The following AKAP19 variants were observed in gnomAD, a reference collection of about 807,000 sequenced individuals.
The protein encoded by AKAP19 is small A-kinase anchoring protein.
chr2:190,094,623 A>G, the AKAP19 span, among the ~76,000 whole-genome samples: 1 of 152,214 alleles, frequency 6.6e-6, no homozygotes, highest in African/African-American at 2.4e-5. Context: ...TTTTTCAGCA[A>G]TCAAAGGATT....
the AKAP19 span, among the ~76,000 whole-genome samples, chr2:190,165,354 T>C: frequency 6.6e-6 from 1 of 152,154 alleles, no homozygotes; most frequent in Non-Finnish European, 1.5e-5. Context: ...GGAGGATCAC[T>C]TAAACCTGGA....
the AKAP19 span, among the ~76,000 whole-genome samples, chr2:189,886,161 G>T: frequency 6.6e-6 from 1 of 152,176 alleles, no homozygotes; most frequent in Non-Finnish European, 1.5e-5. Context: ...ATGCCTTGGA[G>T]ATTGGGGATA....
chr2:190,195,706 G>A, the AKAP19 span, among the ~76,000 whole-genome samples: 1 of 151,676 alleles, frequency 6.6e-6, no homozygotes, highest in African/African-American at 2.4e-5. Flanking sequence ...CCAGTCTGTG[G>A]CTTGTCTTCT....
At chr2:190,022,251 A>G in the AKAP19 span, among the ~76,000 whole-genome samples, 1 of 152,154 alleles carries the variant, frequency 6.6e-6, no homozygotes, top group Non-Finnish European at 1.5e-5. Context: ...TACACTCCGA[A>G]TTGAGAGAAC....
the AKAP19 span, among the ~76,000 whole-genome samples, chr2:190,049,088 G>A: frequency 6.6e-6 from 1 of 151,824 alleles, no homozygotes; most frequent in Non-Finnish European, 1.5e-5. Flanking sequence ...TTTAAATTCT[G>A]CATTAAAAAC....
At chr2:190,069,136 A>ATGTGTGTGTGTG in the AKAP19 span, among the ~76,000 whole-genome samples, 21 of 127,740 alleles carry the variant, frequency 1.6e-4, no homozygotes, top group African/African-American at 5.7e-4. Context: ...GTGCATGCAT[A>ATGTGTGTGTGTG]TGTGTGTGTG....
the AKAP19 span, among the ~76,000 whole-genome samples, chr2:190,181,979 C>A: frequency 6.6e-6 from 1 of 152,138 alleles, no homozygotes; most frequent in Non-Finnish European, 1.5e-5. Context: ...AGAATAATTT[C>A]AGTTTTTAAT....
the AKAP19 span, among the ~76,000 whole-genome samples, chr2:190,155,344 C>A: frequency 6.6e-6 from 1 of 151,644 alleles, no homozygotes; most frequent in Non-Finnish European, 1.5e-5. Context: ...CAGAATCTGG[C>A]CAAGATATCA....
the AKAP19 span, among the ~76,000 whole-genome samples, chr2:190,015,701 C>G: frequency 2.0e-5 from 3 of 152,228 alleles, no homozygotes; most frequent in Non-Finnish European, 4.4e-5. Flanking sequence ...AACTTTTACA[C>G]TCTGCTTCCC....
At chr2:190,166,630 A>C in the AKAP19 span, among the ~76,000 whole-genome samples, 1 of 152,158 alleles carries the variant, frequency 6.6e-6, no homozygotes, top group East Asian at 1.9e-4. Context: ...GAAAATCTAT[A>C]TAAGTTATCA....
At chr2:189,941,249 A>G in the AKAP19 span, among the ~76,000 whole-genome samples, 3 of 152,216 alleles carry the variant, frequency 2.0e-5, no homozygotes, top group African/African-American at 4.8e-5. Context: ...TCTTAAAAAA[A>G]CCAAGCTAAC....
chr2:189,998,767 CTTTCTTTT>C, the AKAP19 span, among the ~76,000 whole-genome samples: 28 of 73,196 alleles, frequency 3.8e-4, no homozygotes, highest in South Asian at 1.2e-3. Flanking sequence ...TTCTTTCTTT[CTTTCTTTT>C]TTTTTTTTTT....
chr2:189,937,563 T>C, the AKAP19 span, among the ~76,000 whole-genome samples: 1 of 152,002 alleles, frequency 6.6e-6, no homozygotes, highest in Admixed American at 6.6e-5. Context: ...CAAAACTCTA[T>C]AGGAAAAAAA....
chr2:189,981,631 A>G, the AKAP19 span, among the ~76,000 whole-genome samples: 1 of 152,208 alleles, frequency 6.6e-6, no homozygotes, highest in Non-Finnish European at 1.5e-5. Flanking sequence ...CTTTTATGGT[A>G]GCACATATCA....
chr2:190,149,406 T>C, the AKAP19 span, among the ~76,000 whole-genome samples: 2 of 152,176 alleles, frequency 1.3e-5, no homozygotes, highest in Non-Finnish European at 2.9e-5. Context: ...CGTGGAGGTG[T>C]GACCTTAGAA....
At chr2:189,974,385 T>G in the AKAP19 span, among the ~76,000 whole-genome samples, 1 of 152,224 alleles carries the variant, frequency 6.6e-6, no homozygotes, top group Admixed American at 6.5e-5. Context: ...TGCTGAGGAG[T>G]GCTTTACTTC....
chr2:189,896,208 T>C, the AKAP19 span, among the ~76,000 whole-genome samples: 1 of 152,152 alleles, frequency 6.6e-6, no homozygotes. Context: ...ATATATATTT[T>C]TTCAGTTTTC....
the AKAP19 span, among the ~76,000 whole-genome samples, chr2:190,035,816 C>T: frequency 6.6e-6 from 1 of 152,072 alleles, no homozygotes; most frequent in Non-Finnish European, 1.5e-5. Flanking sequence ...ATTTACCAGG[C>T]GATAGATAGT....
the AKAP19 span, among the ~76,000 whole-genome samples, chr2:190,035,960 G>A: frequency 2.6e-5 from 4 of 152,158 alleles, no homozygotes; most frequent in African/African-American, 7.2e-5. Context: ...TATGTGATGG[G>A]TGTGTTTATT....
Sources: allele counts gnomAD v4.1 joint callset (sites outside exome capture counted in the v4.1 genomes callset), GRCh38; gene constraint gnomAD v4.1.1; transcripts MANE v1.5; gene names NCBI Gene and HGNC (gene_info 2026-07-23, HGNC 2026-07-21).